SDK1: variants seen among roughly 807,000 people sequenced by gnomAD.
SDK1 encodes the protein protein sidekick-1.
Under a neutral mutation model 245.5 loss-of-function variants are expected in SDK1, and 157 were observed. The ratio of observed to expected loss-of-function variants is 0.64; its 90% CI spans 0.56 to 0.73. The LOEUF (loss-of-function observed/expected upper bound fraction) is 0.73. SDK1 is among the 30% of genes least tolerant of loss of function. The pLI is 0.00. For missense variants in SDK1, 3,583 were observed against 3,002.3 expected (o/e 1.19, Z -4.52); for synonymous variants, 1,647 against 1,278.5 (o/e 1.29, Z -6.15).
intron 1 of SDK1, among the ~76,000 whole-genome samples, chr7:3,455,583 G>T (rs1040863243): frequency 6.6e-6 from 1 of 151,986 alleles, no homozygotes; most frequent in Non-Finnish European, 1.5e-5. Flanking sequence ...TAAAAAATTA[G>T]CTGGGCATCT....
chr7:3,865,935 T>C (rs1439477063), intron 5 of SDK1, among the ~76,000 whole-genome samples: 5 of 152,078 alleles, frequency 3.3e-5, no homozygotes, highest in Non-Finnish European at 7.4e-5. Flanking sequence ...TAAACACACT[T>C]AAAGTGTGTA....
rs184961553 is a variant in SDK1, at chr7:3,979,323, A to G, written c.1994+4778A>G. Among the ~76,000 whole-genome samples the G allele has an allele frequency of 1.5e-3, 224 of 152,278 alleles. 2 individuals carry two copies. Among genetic ancestry groups the G allele is most frequent in the Non-Finnish European group, 2.5e-4 (17 of 68,006 alleles). The stretch of plus-strand genomic sequence containing the variant: ...TCGTGCTTTCTTACCATCTTATACT[A>G]GAATGCTGTTCCCCCCTTTCCTAAC... On this transcript the variant is annotated intron_variant, in intron 13 of 44. Transcript: ENST00000404826.
intron 4 of SDK1, among the ~76,000 whole-genome samples, chr7:3,747,915 A>C (rs1411682468): frequency 6.6e-6 from 1 of 152,128 alleles, no homozygotes; most frequent in South Asian, 2.1e-4. Context: ...GGGTCACAGC[A>C]CCTTTTAGGA....
intron 1 of SDK1, among the ~76,000 whole-genome samples, chr7:3,327,984 G>T (rs530478401): frequency 6.6e-6 from 1 of 152,216 alleles, no homozygotes; most frequent in African/African-American, 2.4e-5. Context: ...GGGAATGATA[G>T]TGCTTTTCCT....
At chr7:4,184,896 C>G (rs1181773239) in intron 35 of SDK1, among the ~76,000 whole-genome samples, 2 of 152,194 alleles carry the variant, frequency 1.3e-5, no homozygotes, top group African/African-American at 4.8e-5. Context: ...CACTTTCCTC[C>G]TAGTTGGCTC....
intron 17 of SDK1, among the ~76,000 whole-genome samples, chr7:4,018,199 T>C (rs897527913): frequency 3.9e-5 from 6 of 152,244 alleles, no homozygotes; most frequent in African/African-American, 1.2e-4. Context: ...CCTCGCCTGA[T>C]TCACAGGTGT....
chr7:3,572,878 C>G (rs1780159938), intron 1 of SDK1, among the ~76,000 whole-genome samples: 1 of 151,952 alleles, frequency 6.6e-6, no homozygotes, highest in Non-Finnish European at 1.5e-5. Flanking sequence ...GGAAGAGATT[C>G]CTGGAAGAAT....
chr7:4,001,931 G>T (rs1288844667), intron 14 of SDK1, among the ~76,000 whole-genome samples: 4 of 152,128 alleles, frequency 2.6e-5, no homozygotes, highest in Non-Finnish European at 5.9e-5. Context: ...TTTTCAAATT[G>T]TGTTTGTCTT....
chr7:3,499,000 C>T (rs764141119), intron 1 of SDK1, among the ~76,000 whole-genome samples: 5 of 152,136 alleles, frequency 3.3e-5, no homozygotes, highest in Non-Finnish European at 7.3e-5. Context: ...TTGCAGAAAT[C>T]TAAAGTTTAA....
At chr7:3,797,775 T>C (rs1778998934) in intron 4 of SDK1, among the ~76,000 whole-genome samples, 1 of 152,206 alleles carries the variant, frequency 6.6e-6, no homozygotes, top group Non-Finnish European at 1.5e-5. Context: ...TTCCTTGATG[T>C]TTTCAGAACT....
In SDK1 at chr7:3,379,165, C is replaced by T. The variant is rs1781424041; in HGVS notation, c.298+77281C>T. Among the ~76,000 whole-genome samples, 3 of 152,174 alleles carry T rather than the reference C, an allele frequency of 2.0e-5. No individual in the cohort carries two copies. The South Asian group carries it at 6.2e-4, about 31-fold the overall frequency. On this transcript the variant is annotated intron_variant, in intron 1 of 44. Coordinates refer to ENST00000404826, the MANE Select transcript of SDK1 (RefSeq NM_152744.4). ...CCCGTCACTTTTCTAGAAATTTAAT[C>T]TGTTCCACAACTCTTTATTGTGCGG...
intron 4 of SDK1, among the ~76,000 whole-genome samples, chr7:3,687,259 G>C (rs1784314130): frequency 6.6e-6 from 1 of 151,476 alleles, no homozygotes; most frequent in South Asian, 2.1e-4. Context: ...CTCCCAAGGA[G>C]CTGGGACTAC....
intron 1 of SDK1, among the ~76,000 whole-genome samples, chr7:3,418,677 G>T (rs1484059000): frequency 6.6e-6 from 1 of 152,114 alleles, no homozygotes; most frequent in African/African-American, 2.4e-5. Context: ...ACTTTCCAGG[G>T]TATATTTTGG....
chr7:4,088,591 A>G (rs1324199764), intron 22 of SDK1, among the ~76,000 whole-genome samples: 1 of 152,054 alleles, frequency 6.6e-6, no homozygotes, highest in East Asian at 1.9e-4. Context: ...ATTTAATTGC[A>G]TCAGACTATT....
At chr7:3,435,307 A>G (rs1779987268) in intron 1 of SDK1, among the ~76,000 whole-genome samples, 1 of 124,696 alleles carries the variant, frequency 8.0e-6, no homozygotes, top group Non-Finnish European at 1.6e-5. Context: ...TACTTGACTT[A>G]TGAAGGGGAC....
At chr7:3,809,530 C>G (rs551982182) in intron 4 of SDK1, among the ~76,000 whole-genome samples, 1 of 152,110 alleles carries the variant, frequency 6.6e-6, no homozygotes, top group Non-Finnish European at 1.5e-5. Flanking sequence ...AGTCTTAACA[C>G]GAGAGTGGAA....
At chr7:4,217,280 C>G (rs1186244329) in intron 38 of SDK1, among the ~76,000 whole-genome samples, 1 of 138,004 alleles carries the variant, frequency 7.2e-6, no homozygotes, top group Non-Finnish European at 1.6e-5. Flanking sequence ...CACCAGGCCA[C>G]CCGGAGAACC....
intron 14 of SDK1, among the ~76,000 whole-genome samples, chr7:3,990,637 G>A (rs904232798): frequency 2.0e-5 from 3 of 152,170 alleles, no homozygotes; most frequent in Non-Finnish European, 2.9e-5. Flanking sequence ...CCCATCAGGC[G>A]CTGTCGCCTC....
In SDK1 at chr7:3,686,822, C is replaced by A. The variant is rs1166956735; in HGVS notation, c.713+44717C>A. 2.0e-5 allele frequency among the ~76,000 whole-genome samples: 3 copies of A among 152,196 alleles called. No homozygotes were observed. The East Asian group carries it at 5.8e-4, about 29-fold the overall frequency. On this transcript the variant is annotated intron_variant, in intron 4 of 44. Coordinates refer to ENST00000404826, the MANE Select transcript of SDK1 (RefSeq NM_152744.4). ...GCATTTAGTTAATTTTCTCAGGATCCCTGTGGATTGGAGAGTTGGAATAAT... is the reference window on the plus strand; with the variant it reads ...GCATTTAGTTAATTTTCTCAGGATCACTGTGGATTGGAGAGTTGGAATAAT...
Sources: allele counts gnomAD v4.1 joint callset (sites outside exome capture counted in the v4.1 genomes callset), GRCh38; gene constraint gnomAD v4.1.1; transcripts MANE v1.5; gene names NCBI Gene and HGNC (gene_info 2026-07-23, HGNC 2026-07-21).